Variants in DUSP29 observed in about 807,000 individuals in gnomAD.
The protein encoded by DUSP29 is dual specificity phosphatase 29.
Under a neutral mutation model 13.5 loss-of-function variants are expected in DUSP29, and 12 were observed. The ratio of observed to expected loss-of-function variants is 0.89; its 90% CI spans 0.57 to 1.44. The LOEUF (loss-of-function observed/expected upper bound fraction) is 1.44. Ranked by LOEUF, DUSP29 falls within the 40% of genes most tolerant of loss-of-function variation. The probability of loss-of-function intolerance (pLI) is 0.00; values close to 1 mark genes in which losing one functional copy is unlikely to be tolerated. For synonymous variants in DUSP29, 134 were observed against 128.7 expected (o/e 1.04, Z -0.28); for missense variants, 308 against 301.1 (o/e 1.02, Z -0.17).
At position 75,044,018 on chromosome 10, in the gene DUSP29, C is replaced by T. The variant is rs2134283128; in HGVS notation, c.201-1G>A. 1 of 1,607,988 alleles carries T rather than the reference C, an allele frequency of 6.2e-7. No homozygotes were observed. The highest frequency in any genetic ancestry group is 2.2e-5 in the East Asian group (1 of 44,808). On this transcript the variant is annotated splice_acceptor_variant, in intron 2 of 3. Transcript: ENST00000338487. LOFTEE classifies it high-confidence loss of function. ...CCTATAGCGGTCCAGCGCCGTCGCC[C>T]TGGGCGCAGGGGAGAGAAATCTGTG...
chr10:75,051,408 G>A (rs547973721), intron 2 of DUSP29, among the ~76,000 whole-genome samples: 1 of 152,360 alleles, frequency 6.6e-6, no homozygotes, highest in South Asian at 2.1e-4. Context: ...CAAAGCCTGA[G>A]TGACTTGCCC....
intron 1 of DUSP29, among the ~76,000 whole-genome samples, chr10:75,067,471 T>C (rs1225800920): frequency 6.6e-6 from 1 of 152,174 alleles, no homozygotes; most frequent in Admixed American, 6.5e-5. Context: ...AGCTTGGTCT[T>C]AGTCTAACTC....
intron 3 of DUSP29, among the ~76,000 whole-genome samples, chr10:75,040,937 C>A (rs1032170240): frequency 2.6e-5 from 4 of 152,164 alleles, no homozygotes; most frequent in Non-Finnish European, 4.4e-5. Flanking sequence ...CCACAAGGAA[C>A]GCTTTTCAAA....
chr10:75,060,131 G>C (rs1198931512), intron 1 of DUSP29, among the ~76,000 whole-genome samples: 1 of 151,560 alleles, frequency 6.6e-6, no homozygotes, highest in Non-Finnish European at 1.5e-5. Context: ...CTGCACTCCA[G>C]CCTGGGCAAC....
At chr10:75,072,223 C>G (rs190119666) in intron 1 of DUSP29, among the ~76,000 whole-genome samples, 1 of 152,208 alleles carries the variant, frequency 6.6e-6, no homozygotes, top group Non-Finnish European at 1.5e-5. Flanking sequence ...CCAGTTAACA[C>G]AAGCCGCCTA....
chr10:75,069,196 G>A (rs1310112700), intron 1 of DUSP29, among the ~76,000 whole-genome samples: 2 of 152,178 alleles, frequency 1.3e-5, no homozygotes, highest in Admixed American at 6.5e-5. Context: ...CCCAATCTTG[G>A]TTTGGCAGAG....
chr10:75,040,112 G>T (rs1347563390), intron 3 of DUSP29, among the ~76,000 whole-genome samples: 1 of 152,072 alleles, frequency 6.6e-6, no homozygotes, highest in East Asian at 1.9e-4. Flanking sequence ...GGAGGTGGAG[G>T]TTGCAGTGAG....
intron 1 of DUSP29, among the ~76,000 whole-genome samples, chr10:75,066,794 G>A (rs1395162374): frequency 1.3e-5 from 2 of 152,048 alleles, no homozygotes; most frequent in South Asian, 4.1e-4. Context: ...GGAGCCCCCC[G>A]AAGGCAGCTC....
chr10:75,057,605 T>C (rs551053650), intron 2 of DUSP29, among the ~76,000 whole-genome samples: 1 of 152,314 alleles, frequency 6.6e-6, no homozygotes, highest in East Asian at 1.9e-4. Flanking sequence ...GCACAATGCC[T>C]GGCATACAGT....
chr10:75,061,898 G>A (rs1847096006), intron 1 of DUSP29, among the ~76,000 whole-genome samples: 2 of 152,226 alleles, frequency 1.3e-5, no homozygotes, highest in Admixed American at 6.5e-5. Flanking sequence ...TAAGGGCTGT[G>A]AGGCCTGTGC....
intron 3 of DUSP29, 94 bp from the exon 4 acceptor site, chr10:75,038,171 G>A (rs1291192369): frequency 7.4e-6 from 11 of 1,488,796 alleles, no homozygotes; most frequent in African/African-American, 1.4e-5. Flanking sequence ...TCACCCTCTC[G>A]CCCACAGAAA....
chr10:75,049,821 C>G (rs1048273015), intron 2 of DUSP29, among the ~76,000 whole-genome samples: 1 of 149,782 alleles, frequency 6.7e-6, no homozygotes, highest in South Asian at 2.2e-4. Flanking sequence ...ATGCCTCTGG[C>G]TTCTGAGGCT....
intron 1 of DUSP29, among the ~76,000 whole-genome samples, chr10:75,058,835 A>G (rs1453254119): frequency 6.6e-6 from 1 of 152,196 alleles, no homozygotes; most frequent in Admixed American, 6.5e-5. Context: ...GCAAGCAGCC[A>G]GTTCCTTCCC....
intron 2 of DUSP29, 102 bp from the exon 3 acceptor site, chr10:75,044,119 A>G: frequency 8.9e-7 from 1 of 1,122,524 alleles, no homozygotes; most frequent in Non-Finnish European, 1.3e-6. Context: ...CCAGTTCCAG[A>G]ATGAGGACTA....
At position 75,037,793 on chromosome 10, in the gene DUSP29, C is replaced by T. The variant is rs1461308662; in HGVS notation, c.*43G>A. On this transcript the variant is annotated 3_prime_UTR_variant, in exon 4 of 4. Transcript: ENST00000338487. ...TAGGCCAGGGCTATGTTCTGCCTCT[C>T]CCCTCTGTCCCCAAGTGCCTCTGCT... 4 of 1,569,060 alleles carry T rather than the reference C, an allele frequency of 2.5e-6. No homozygotes were observed. The highest frequency in any genetic ancestry group is 3.5e-6 in the Non-Finnish European group (4 of 1,158,874).
chr10:75,073,321 C>T (rs1345041412), intron 1 of DUSP29, among the ~76,000 whole-genome samples: 1 of 152,130 alleles, frequency 6.6e-6, no homozygotes, highest in Non-Finnish European at 1.5e-5. Context: ...AGCTTTAATC[C>T]ACCCCATTAT....
intron 3 of DUSP29, among the ~76,000 whole-genome samples, chr10:75,039,685 C>A (rs941460100): frequency 3.3e-5 from 5 of 152,208 alleles, no homozygotes; most frequent in African/African-American, 9.6e-5. Flanking sequence ...AGACTCCTTC[C>A]TTGCTTTCAG....
chr10:75,070,028 T>G (rs1847290529), intron 1 of DUSP29, among the ~76,000 whole-genome samples: 1 of 142,262 alleles, frequency 7.0e-6, no homozygotes, highest in Non-Finnish European at 1.5e-5. Context: ...CCAGCCTGGG[T>G]GACAGAGTGA....
At chr10:75,057,223 G>A (rs113190968) in intron 2 of DUSP29, among the ~76,000 whole-genome samples, 172 of 152,158 alleles carry the variant, frequency 1.1e-3, no homozygotes, top group African/African-American at 3.8e-3. Context: ...GCAGTGAGCC[G>A]AGGTCACACC....
Sources: allele counts gnomAD v4.1 joint callset (sites outside exome capture counted in the v4.1 genomes callset), GRCh38; gene constraint gnomAD v4.1.1; transcripts MANE v1.5; gene names NCBI Gene and HGNC (gene_info 2026-07-23, HGNC 2026-07-21).